The following NBR1 variants were observed in gnomAD, a reference collection of about 807,000 sequenced individuals.
NBR1 encodes NBR1 autophagy cargo receptor, also known as next to BRCA1 gene 1 protein.
NBR1 carries 59 observed loss-of-function variants against 115.5 expected under a neutral mutation model. That is an observed-to-expected ratio of 0.51 (90% CI 0.41 to 0.63). NBR1 has a LOEUF of 0.63. Ranked by LOEUF, NBR1 falls within the 30% of genes least tolerant of loss-of-function variation. NBR1 has a pLI of 0.00. For synonymous variants in NBR1, 373 were observed against 414.7 expected, an observed-to-expected ratio of 0.90 and a Z score of 1.22; for missense variants, 1,043 against 1,150.5, an observed-to-expected ratio of 0.91 and a Z score of 1.35.
upstream of NBR1, chr17:43,170,525 T>C (rs1397486042): frequency 6.5e-6 from 1 of 153,450 alleles, no homozygotes; most frequent in African/African-American, 2.4e-5. Flanking sequence ...GAGGCCTGAA[T>C]ATCAGCGTAA....
chr17:43,176,744 C>T (rs2056526666), intron 2 of NBR1: 1 of 151,644 alleles, frequency 6.6e-6, no homozygotes, highest in Non-Finnish European at 1.5e-5. Context: ...CTTTCTTTTC[C>T]TAGTAGTTAA....
chr17:43,178,080 A>G (rs1254863742), intron 3 of NBR1, 82 bp downstream of exon 3: 15 of 1,465,898 alleles, frequency 1.0e-5, no homozygotes, highest in Non-Finnish European at 1.4e-5. Context: ...TAATAATTCA[A>G]AATAGTGTTT....
At chr17:43,205,612 C>T (rs1436827200) in intron 20 of NBR1, among the ~76,000 whole-genome samples, 1 of 152,062 alleles carries the variant, frequency 6.6e-6, no homozygotes. Flanking sequence ...CTTGGTGGCT[C>T]ACACCTGTAA....
intron 18 of NBR1, 148 bp downstream of exon 18, chr17:43,201,928 C>G: frequency 1.7e-6 from 1 of 595,322 alleles, no homozygotes. Flanking sequence ...ACCTGTAATC[C>G]CAACACTTTG....
chr17:43,204,813 T>TAG (rs1400529601), intron 20 of NBR1, among the ~76,000 whole-genome samples: 1 of 122,274 alleles, frequency 8.2e-6, no homozygotes, highest in African/African-American at 3.1e-5. Context: ...GACTCCATCT[T>TAG]AAAAAAAAAA....
At chr17:43,172,339 TC>T (rs1438291325) in intron 1 of NBR1, among the ~76,000 whole-genome samples, 3 of 152,202 alleles carry the variant, frequency 2.0e-5, no homozygotes, top group Non-Finnish European at 2.9e-5. Flanking sequence ...ATCTCCCACT[TC>T]CTGTTTTCTC....
intron 9 of NBR1, among the ~76,000 whole-genome samples, chr17:43,191,119 T>G (rs2056933844): frequency 6.6e-6 from 1 of 152,066 alleles, no homozygotes; most frequent in Non-Finnish European, 1.5e-5. Flanking sequence ...CCAGGCGTGG[T>G]GGTGCGTACC....
chr17:43,206,175 C>CAA (rs1280826827), intron 20 of NBR1, among the ~76,000 whole-genome samples: 3 of 63,776 alleles, frequency 4.7e-5, no homozygotes, highest in Non-Finnish European at 6.5e-5. Context: ...GACTCTGTCT[C>CAA]AAAAAAAAAA....
At chr17:43,184,933 A>G (rs1312779547) in intron 5 of NBR1, among the ~76,000 whole-genome samples, 1 of 151,884 alleles carries the variant, frequency 6.6e-6, no homozygotes, top group Non-Finnish European at 1.5e-5. Context: ...TACTAAAAAT[A>G]CAAAAATTAG....
At chr17:43,193,786 CTGA>C in intron 12 of NBR1, 148 bp downstream of exon 12, 1 of 852,732 alleles carries the variant, frequency 1.2e-6, no homozygotes. Context: ...CATCTCTATG[CTGA>C]TATTTGGCCT....
chr17:43,196,700 T>G, intron 15 of NBR1, 109 bp downstream of exon 15: 2 of 915,784 alleles, frequency 2.2e-6, no homozygotes, highest in Non-Finnish European at 3.4e-6. Flanking sequence ...TGGGCTTGCT[T>G]TCTGTAGCAT....
intron 16 of NBR1, among the ~76,000 whole-genome samples, chr17:43,199,074 G>T (rs1181798775): frequency 6.8e-6 from 1 of 147,642 alleles, no homozygotes; most frequent in Non-Finnish European, 1.5e-5. Flanking sequence ...TATTCTGATA[G>T]GATTTATGGG....
intron 14 of NBR1, 67 bp downstream of exon 14, chr17:43,195,106 A>C: frequency 1.6e-6 from 2 of 1,228,614 alleles, no homozygotes; most frequent in Admixed American, 3.6e-5. Flanking sequence ...CAGCCTAGAC[A>C]CTGGTAGTGT....
chr17:43,197,146 C>A (rs546947648), intron 16 of NBR1, 40 bp downstream of exon 16: 3 of 1,592,502 alleles, frequency 1.9e-6, no homozygotes. Flanking sequence ...CAGGGTGGCA[C>A]CTGAATTGTG....
At chr17:43,199,018 A>G (rs560449583) in intron 16 of NBR1, among the ~76,000 whole-genome samples, 2 of 152,148 alleles carry the variant, frequency 1.3e-5, no homozygotes, top group East Asian at 3.8e-4. Flanking sequence ...GTACAAATAC[A>G]TAACAAAAAG....
intron 20 of NBR1, chr17:43,209,549 G>A: frequency 6.5e-7 from 1 of 1,532,016 alleles, no homozygotes; most frequent in South Asian, 1.2e-5. Context: ...TTACACTTAT[G>A]TTCACAGGGT....
chr17:43,186,482 C>A (rs2056805824), intron 6 of NBR1, 38 bp downstream of exon 6: 1 of 1,396,330 alleles, frequency 7.2e-7, no homozygotes, highest in African/African-American at 1.5e-5. Context: ...AATATCGTTT[C>A]TTTTTTCTTT....
At chr17:43,205,570 A>T (rs1395900714) in intron 20 of NBR1, among the ~76,000 whole-genome samples, 2 of 152,102 alleles carry the variant, frequency 1.3e-5, no homozygotes, top group African/African-American at 4.8e-5. Context: ...CCGGTCTAAG[A>T]AGAGGAGTAA....
rs778052161 is a variant in NBR1 at position 43,189,038 on chromosome 17, C to A, written c.403-4C>A. ...CTAACATCTCGGCTTGTGTTTTCTC[C>A]CAGTCGTTTCCACTTGTTCCATGTG... On this transcript the variant is annotated splice_region_variant and splice_polypyrimidine_tract_variant and intron_variant, in intron 6 of 20. Coordinates refer to ENST00000590996, the MANE Select transcript of NBR1 (RefSeq NM_005899.5). 1.2e-6 allele frequency: 2 copies of A among 1,605,658 alleles called. No individual in the cohort carries two copies. The highest frequency in any genetic ancestry group is 1.7e-6 in the Non-Finnish European group (2 of 1,172,406).
Sources: gnomAD v4.1 joint callset for allele counts (sites outside exome capture counted in the v4.1 genomes callset) on GRCh38, gnomAD v4.1.1 for gene constraint, MANE v1.5 for transcripts, NCBI Gene and HGNC (gene_info 2026-07-23, HGNC 2026-07-21) for gene names.